EDIL3: variants seen among roughly 807,000 people sequenced by gnomAD.
The protein encoded by EDIL3 is EGF-like repeat and discoidin I-like domain-containing protein 3.
A neutral mutation model predicts 67.4 loss-of-function variants in EDIL3; 37 were observed. The observed-to-expected ratio is 0.55, with a 90% CI of 0.42 to 0.72. The LOEUF is 0.72. Among genes scored for constraint, EDIL3 ranks in the 30% least tolerant of loss-of-function variants. EDIL3 has a pLI of 0.00. For synonymous variants in EDIL3, 195 were observed against 196.3 expected (o/e 0.99, Z 0.05); for missense variants, 527 against 586.3 (o/e 0.90, Z 1.04).
At chr5:84,366,867 A>G (rs1747749415) in intron 1 of EDIL3, among the ~76,000 whole-genome samples, 1 of 152,232 alleles carries the variant, frequency 6.6e-6, no homozygotes, top group South Asian at 2.1e-4. Flanking sequence ...ATTTTTTCCA[A>G]TACCAAGCTT....
chr5:84,379,042 G>A (rs1337509127), intron 1 of EDIL3, among the ~76,000 whole-genome samples: 2 of 152,134 alleles, frequency 1.3e-5, no homozygotes, highest in Non-Finnish European at 2.9e-5. Flanking sequence ...GAGAGGAGGA[G>A]AAAGAGACGG....
At chr5:84,074,949 C>T (rs1305495054) in intron 6 of EDIL3, among the ~76,000 whole-genome samples, 3 of 152,106 alleles carry the variant, frequency 2.0e-5, no homozygotes, top group African/African-American at 4.8e-5. Context: ...GGAACCAACC[C>T]GAATGTCCAA....
intron 4 of EDIL3, among the ~76,000 whole-genome samples, chr5:84,152,879 G>A (rs1748421641): frequency 6.6e-6 from 1 of 152,038 alleles, no homozygotes; most frequent in African/African-American, 2.4e-5. Context: ...AAGATATATT[G>A]ATGAATTTAT....
At chr5:84,088,688 A>G (rs1340350211) in intron 6 of EDIL3, among the ~76,000 whole-genome samples, 1 of 152,192 alleles carries the variant, frequency 6.6e-6, no homozygotes, top group Non-Finnish European at 1.5e-5. Context: ...TAAGTATATA[A>G]TAGAAGCAAG....
intron 4 of EDIL3, among the ~76,000 whole-genome samples, chr5:84,151,271 A>G (rs1349453427): frequency 6.6e-6 from 1 of 151,638 alleles, no homozygotes; most frequent in African/African-American, 2.4e-5. Flanking sequence ...ACATACACAC[A>G]CACACACACA....
rs182581262 is a variant in EDIL3, at chr5:84,013,074, A to G, written c.1137+47226T>C. Among the ~76,000 whole-genome samples the G allele has an allele frequency of 7.4e-3, 1,133 of 152,134 alleles. 10 individuals carry two copies. The highest frequency in any genetic ancestry group is 0.011 in the South Asian group (55 of 4,818). ...TCAGACATATAATTTTTAAATAATA[A>G]AAACTTTCTAAGCTTTCAAACAAGG... On this transcript the variant is annotated intron_variant, in intron 9 of 10. Coordinates refer to ENST00000296591, the MANE Select transcript of EDIL3 (RefSeq NM_005711.5).
At chr5:84,371,801 T>C (rs948247279) in intron 1 of EDIL3, among the ~76,000 whole-genome samples, 10 of 152,006 alleles carry the variant, frequency 6.6e-5, no homozygotes, top group Non-Finnish European at 8.8e-5. Context: ...ATATTCTACC[T>C]ACATATCATT....
intron 1 of EDIL3, among the ~76,000 whole-genome samples, chr5:84,325,066 G>A (rs1262225880): frequency 6.6e-6 from 1 of 151,806 alleles, no homozygotes; most frequent in East Asian, 1.9e-4. Flanking sequence ...CACAACATTG[G>A]ATTTGGCAGT....
chr5:84,269,785 G>A lies in EDIL3; in HGVS notation c.68-15573C>T, dbSNP rs548360265. Reference sequence around the variant, plus strand: ...GCAATTTTCCCAGACCTAGGGTTAGGAAGCTCAAGAGGCATATCAGTAGAC... The same window carrying A: ...GCAATTTTCCCAGACCTAGGGTTAGAAAGCTCAAGAGGCATATCAGTAGAC... On this transcript the variant is annotated intron_variant, in intron 1 of 10. Coordinates refer to ENST00000296591, the MANE Select transcript of EDIL3 (RefSeq NM_005711.5). 1.7e-4 allele frequency among the ~76,000 whole-genome samples: 26 copies of A among 152,256 alleles called. No homozygotes were observed. In the South Asian group the frequency reaches 5.4e-3, roughly 32 times the overall value.
At chr5:84,276,468 T>G (rs1448809898) in intron 1 of EDIL3, among the ~76,000 whole-genome samples, 2 of 152,226 alleles carry the variant, frequency 1.3e-5, no homozygotes, top group Non-Finnish European at 2.9e-5. Flanking sequence ...TTCTGTAACT[T>G]TTAATCGTTT....
rs562167639 is a variant in EDIL3 at position 84,361,174 on chromosome 5, T to A, written c.67+23134A>T. Among the ~76,000 whole-genome samples the A allele has an allele frequency of 2.1e-3, 312 of 152,022 alleles. 2 individuals are homozygous for A. Among genetic ancestry groups the A allele is most frequent in the Middle Eastern group, 0.017 (5 of 294 alleles). ...TGTTTTACCTATTTAAAAGAAAATC[T>A]CATTAGTTTGGATTTGCTTCAAGTG... On this transcript the variant is annotated intron_variant, in intron 1 of 10. Coordinates refer to ENST00000296591, the MANE Select transcript of EDIL3 (RefSeq NM_005711.5).
chr5:84,303,850 T>TGTGTGTGTGTGTGTTTG (rs34555925), intron 1 of EDIL3, among the ~76,000 whole-genome samples: 5 of 99,208 alleles, frequency 5.0e-5, no homozygotes, highest in African/African-American at 2.0e-4. Context: ...GTGTGTGTGT[T>TGTGTGTGTGTGTGTTTG]TGTGTGTGTG....
At chr5:84,294,309 C>T (rs138387035) in intron 1 of EDIL3, among the ~76,000 whole-genome samples, 3 of 146,144 alleles carry the variant, frequency 2.1e-5, no homozygotes, top group Non-Finnish European at 3.0e-5. Flanking sequence ...GGCATGAACC[C>T]GGGAGGTGGA....
intron 1 of EDIL3, among the ~76,000 whole-genome samples, chr5:84,359,524 C>T (rs1747553863): frequency 6.6e-6 from 1 of 152,052 alleles, no homozygotes; most frequent in South Asian, 2.1e-4. Context: ...ATCCCAACAA[C>T]CTGTAAATTG....
chr5:83,974,385 A>G (rs1245239011), intron 9 of EDIL3, among the ~76,000 whole-genome samples: 1 of 151,848 alleles, frequency 6.6e-6, no homozygotes, highest in Non-Finnish European at 1.5e-5. Context: ...AGGGGAGAGA[A>G]GAGGGAGATG....
At chr5:84,379,875 CTTTT>C (rs1441428106) in intron 1 of EDIL3, among the ~76,000 whole-genome samples, 2 of 151,978 alleles carry the variant, frequency 1.3e-5, no homozygotes, top group African/African-American at 4.8e-5. Flanking sequence ...GACTTGACTT[CTTTT>C]ATTTTTCCTT....
chr5:84,292,547 G>A (rs1345484655), intron 1 of EDIL3, among the ~76,000 whole-genome samples: 1 of 152,080 alleles, frequency 6.6e-6, no homozygotes, highest in East Asian at 1.9e-4. Flanking sequence ...ACTCTCAATG[G>A]CAGAAGAGAT....
At chr5:84,353,619 T>C (rs1747410529) in intron 1 of EDIL3, among the ~76,000 whole-genome samples, 1 of 152,158 alleles carries the variant, frequency 6.6e-6, no homozygotes, top group South Asian at 2.1e-4. Flanking sequence ...AAAGAATAAA[T>C]AATTGATTGC....
intron 2 of EDIL3, among the ~76,000 whole-genome samples, chr5:84,231,987 A>C (rs1444414173): frequency 2.0e-5 from 3 of 152,222 alleles, no homozygotes; most frequent in African/African-American, 7.2e-5. Context: ...TGATAAAAGA[A>C]AGTACAGAGG....
Sources: allele counts gnomAD v4.1 joint callset (sites outside exome capture counted in the v4.1 genomes callset), GRCh38; gene constraint gnomAD v4.1.1; transcripts MANE v1.5; gene names NCBI Gene and HGNC (gene_info 2026-07-23, HGNC 2026-07-21).